Variants in CSGALNACT1 observed in about 807,000 individuals in gnomAD.
CSGALNACT1 encodes beta4GalNAcT-1.
In CSGALNACT1, 52 loss-of-function variants were observed where a neutral mutation model predicts 51.0. That is an observed-to-expected ratio of 1.02 (90% CI 0.82 to 1.29). The LOEUF is 1.29. Ranked by LOEUF, CSGALNACT1 falls within the 50% of genes most tolerant of loss-of-function variation. The pLI is 0.00. For synonymous variants in CSGALNACT1, 341 were observed against 254.4 expected (o/e 1.34, Z -3.24); for missense variants, 935 against 679.2 (o/e 1.38, Z -4.19).
chr8:19,590,421 G>T (rs958103668), intron 3 of CSGALNACT1, among the ~76,000 whole-genome samples: 1 of 152,092 alleles, frequency 6.6e-6, no homozygotes, highest in Non-Finnish European at 1.5e-5. Context: ...CCTTTTAGTG[G>T]TTTCTGTAAT....
chr8:19,742,531 G>A (rs1332154718), intron 1 of CSGALNACT1, among the ~76,000 whole-genome samples: 1 of 152,200 alleles, frequency 6.6e-6, no homozygotes, highest in African/African-American at 2.4e-5. Flanking sequence ...TGGCCCAGCT[G>A]CAGCCAATGC....
At chr8:19,407,861 G>C (rs536785528) in intron 9 of CSGALNACT1, among the ~76,000 whole-genome samples, 1 of 151,938 alleles carries the variant, frequency 6.6e-6, no homozygotes, top group African/African-American at 2.4e-5. Flanking sequence ...GTGGGCATTT[G>C]TGTATATGAA....
At chr8:19,460,995 T>C (rs1161411995) in intron 4 of CSGALNACT1, among the ~76,000 whole-genome samples, 1 of 152,026 alleles carries the variant, frequency 6.6e-6, no homozygotes, top group African/African-American at 2.4e-5. Context: ...AAACCCACAG[T>C]TCCCCAGCAG....
At chr8:19,507,430 T>A (rs2077544480) in intron 3 of CSGALNACT1, among the ~76,000 whole-genome samples, 1 of 150,222 alleles carries the variant, frequency 6.7e-6, no homozygotes, top group South Asian at 2.1e-4. Flanking sequence ...ACCCTTCCTG[T>A]TCCTCCACTC....
intron 3 of CSGALNACT1, among the ~76,000 whole-genome samples, chr8:19,585,779 A>G (rs1186453601): frequency 6.6e-6 from 1 of 152,216 alleles, no homozygotes; most frequent in Non-Finnish European, 1.5e-5. Context: ...TTCAACCTCC[A>G]TGTTACCAAA....
intron 1 of CSGALNACT1, among the ~76,000 whole-genome samples, chr8:19,756,238 C>A (rs1031568223): frequency 7.9e-5 from 12 of 151,906 alleles, no homozygotes; most frequent in African/African-American, 2.9e-4. Context: ...AAAAAAAAAA[C>A]CGTGAAAGAA....
chr8:19,486,079 T>G (rs1175608071), intron 4 of CSGALNACT1, among the ~76,000 whole-genome samples: 2 of 151,758 alleles, frequency 1.3e-5, no homozygotes, highest in African/African-American at 4.8e-5. Context: ...ACTTAAGGGT[T>G]TTAAGAAAAA....
chr8:19,642,894 C>A (rs573939601), intron 1 of CSGALNACT1, among the ~76,000 whole-genome samples: 2 of 151,804 alleles, frequency 1.3e-5, no homozygotes, highest in Non-Finnish European at 2.9e-5. Flanking sequence ...AAAATCAAGT[C>A]AGATTTTTCT....
intron 3 of CSGALNACT1, among the ~76,000 whole-genome samples, chr8:19,548,681 T>C (rs1431928757): frequency 6.6e-6 from 1 of 152,240 alleles, no homozygotes; most frequent in Non-Finnish European, 1.5e-5. Context: ...AATGGTACTA[T>C]AAGACTGACA....
intron 1 of CSGALNACT1, among the ~76,000 whole-genome samples, chr8:19,676,623 C>A (rs931198533): frequency 1.3e-5 from 2 of 152,130 alleles, no homozygotes; most frequent in African/African-American, 4.8e-5. Context: ...TAAGAAGGAA[C>A]AGAGGAAGAA....
rs966583264 is a variant in CSGALNACT1 at position 19,505,337 on chromosome 8, G to A, written c.498C>T (p.His166=). The change falls in exon 4 of 10, where the codon CAC becomes CAT. Residue 166 remains histidine, a synonymous_variant. Transcript: ENST00000454498. ...CCTTCCTCACAGGCTTCTCCTCGGG[G>A]TGGCGGGTAAGGCCAGTCTCCAGCT... The A allele has an allele frequency of 1.2e-6, 2 of 1,614,182 alleles. No homozygotes were observed. Among genetic ancestry groups the A allele is most frequent in the South Asian group, 1.1e-5 (1 of 91,078 alleles).
chr8:19,563,464 CAG>C (rs1157328544), intron 3 of CSGALNACT1, among the ~76,000 whole-genome samples: 2 of 152,188 alleles, frequency 1.3e-5, no homozygotes, highest in African/African-American at 2.4e-5. Flanking sequence ...TTATTTTCAG[CAG>C]AGACAACTGG....
intron 5 of CSGALNACT1, among the ~76,000 whole-genome samples, chr8:19,443,719 T>G (rs1046685415): frequency 6.6e-6 from 1 of 152,194 alleles, no homozygotes; most frequent in African/African-American, 2.4e-5. Flanking sequence ...AGCTGAGATG[T>G]GGGTGGGGAT....
At chr8:19,680,459 G>A (rs543406021) in intron 1 of CSGALNACT1, among the ~76,000 whole-genome samples, 8 of 151,498 alleles carry the variant, frequency 5.3e-5, no homozygotes, top group Admixed American at 5.3e-4. Context: ...GGGAGGCTGA[G>A]GCAGGACAAT....
intron 1 of CSGALNACT1, among the ~76,000 whole-genome samples, chr8:19,681,369 C>T (rs1375603387): frequency 6.6e-6 from 1 of 152,124 alleles, no homozygotes; most frequent in Non-Finnish European, 1.5e-5. Flanking sequence ...GAGAGAGAGG[C>T]AAAGGGGGAA....
intron 6 of CSGALNACT1, among the ~76,000 whole-genome samples, chr8:19,436,494 A>C (rs2060397242): frequency 6.6e-6 from 1 of 152,212 alleles, no homozygotes; most frequent in South Asian, 2.1e-4. Context: ...AATATTAAAT[A>C]CTATAATTTA....
At chr8:19,514,676 G>A (rs1468668758) in intron 3 of CSGALNACT1, among the ~76,000 whole-genome samples, 2 of 146,728 alleles carry the variant, frequency 1.4e-5, no homozygotes, top group African/African-American at 5.0e-5. Flanking sequence ...AAAAAATACA[G>A]AAGAGAATTA....
intron 1 of CSGALNACT1, among the ~76,000 whole-genome samples, chr8:19,672,960 C>T (rs1316771711): frequency 6.6e-6 from 1 of 152,248 alleles, no homozygotes; most frequent in African/African-American, 2.4e-5. Flanking sequence ...GTTTTAACCA[C>T]TGTATCTCAC....
intron 2 of CSGALNACT1, among the ~76,000 whole-genome samples, chr8:19,599,878 T>C (rs939917495): frequency 2.6e-5 from 4 of 152,214 alleles, no homozygotes; most frequent in South Asian, 2.1e-4. Context: ...TCCTTTCTTT[T>C]TGGGCAGACA....
Sources: allele counts gnomAD v4.1 joint callset (sites outside exome capture counted in the v4.1 genomes callset), GRCh38; gene constraint gnomAD v4.1.1; transcripts MANE v1.5; gene names NCBI Gene and HGNC (gene_info 2026-07-23, HGNC 2026-07-21).